RAD51C: variants seen among roughly 807,000 people sequenced by gnomAD.
RAD51C encodes RAD51 paralog C, also known as DNA repair protein RAD51 homolog 3.
A neutral mutation model predicts 45.0 loss-of-function variants in RAD51C; 42 were observed. The observed-to-expected ratio is 0.93, with a 90% CI of 0.73 to 1.21. RAD51C has a LOEUF of 1.21. Ranked by LOEUF, RAD51C falls within the 50% of genes most tolerant of loss-of-function variation. The pLI, the probability that RAD51C is intolerant of heterozygous loss-of-function variation, is 0.00. For missense variants in RAD51C, 474 were observed against 452.2 expected (o/e 1.05, Z -0.44); for synonymous variants, 172 against 159.8 (o/e 1.08, Z -0.58).
chr17:58,701,488 A>G (rs1041021846), intron 3 of RAD51C, among the ~76,000 whole-genome samples: 1 of 150,618 alleles, frequency 6.6e-6, no homozygotes, highest in African/African-American at 2.4e-5. Flanking sequence ...AGCCTGGAGG[A>G]CAGAGCAAGA....
At chr17:58,705,344 T>TG (rs141805941) in intron 4 of RAD51C, among the ~76,000 whole-genome samples, 4,450 of 134,052 alleles carry the variant, frequency 0.033, 81 homozygotes, top group South Asian at 0.052. Flanking sequence ...TTCTTTTTTT[T>TG]GGGGGGGGGG....
At chr17:58,719,055 T>C (rs897348877) in intron 5 of RAD51C, among the ~76,000 whole-genome samples, 4 of 152,126 alleles carry the variant, frequency 2.6e-5, no homozygotes, top group Non-Finnish European at 5.9e-5. Flanking sequence ...AAACCCCATC[T>C]TTACTAAAAA....
intron 5 of RAD51C, among the ~76,000 whole-genome samples, chr17:58,714,625 A>AT (rs1187089081): frequency 5.9e-5 from 9 of 151,662 alleles, no homozygotes; most frequent in Non-Finnish European, 1.3e-4. Flanking sequence ...TGCCCGGCTA[A>AT]TTTTTTATAT....
intron 3 of RAD51C, among the ~76,000 whole-genome samples, chr17:58,702,203 C>T (rs1183845965): frequency 6.6e-6 from 1 of 151,936 alleles, no homozygotes; most frequent in African/African-American, 2.4e-5. Flanking sequence ...CCATGTTGCC[C>T]AGGCTGCCGT....
At chr17:58,692,944 A>G (rs1408349571) in intron 1 of RAD51C, 156 bp downstream of exon 1, 1 of 1,092,220 alleles carries the variant, frequency 9.2e-7, no homozygotes, top group Non-Finnish European at 1.3e-6. Context: ...GACTCCACTT[A>G]CAAGTTGTCT....
chr17:58,695,385 G>C, intron 2 of RAD51C, 196 bp downstream of exon 2: 1 of 1,340,706 alleles, frequency 7.5e-7, no homozygotes, highest in Non-Finnish European at 9.6e-7. Flanking sequence ...CAATTATTCT[G>C]ATGTGAAAAA....
At chr17:58,732,625 G>T in intron 8 of RAD51C, 81 bp downstream of exon 8, 1 of 1,350,424 alleles carries the variant, frequency 7.4e-7, no homozygotes, top group Non-Finnish European at 1.1e-6. Context: ...ACTTGCTTCT[G>T]TCAACTTCTG....
At chr17:58,711,374 GTTA>G (rs2048550687) in intron 5 of RAD51C, among the ~76,000 whole-genome samples, 1 of 152,086 alleles carries the variant, frequency 6.6e-6, no homozygotes, top group African/African-American at 2.4e-5. Context: ...TATATTTAAT[GTTA>G]CCTCAGTTTA....
chr17:58,692,866 C>T, intron 1 of RAD51C, 78 bp downstream of exon 1: 1 of 1,603,752 alleles, frequency 6.2e-7, no homozygotes, highest in South Asian at 1.1e-5. Context: ...TCGCCTCGGC[C>T]TTCAGCCCAG....
chr17:58,710,600 A>T (rs1397446971), intron 5 of RAD51C, among the ~76,000 whole-genome samples: 1 of 151,350 alleles, frequency 6.6e-6, no homozygotes, highest in East Asian at 1.9e-4. Flanking sequence ...TTTCAGGTTA[A>T]CTCTTCCAAC....
intron 7 of RAD51C, among the ~76,000 whole-genome samples, chr17:58,730,443 C>T (rs1598529507): frequency 6.6e-6 from 1 of 151,814 alleles, no homozygotes; most frequent in Admixed American, 6.6e-5. Context: ...TCCCAAAGTG[C>T]TGGGATTACA....
intron 5 of RAD51C, among the ~76,000 whole-genome samples, chr17:58,716,485 TG>T (rs1435446224): frequency 6.6e-6 from 1 of 151,876 alleles, no homozygotes; most frequent in African/African-American, 2.4e-5. Context: ...TTTTTTGAGA[TG>T]GAGTCTCACT....
intron 7 of RAD51C, among the ~76,000 whole-genome samples, chr17:58,729,128 G>A (rs1567814875): frequency 6.6e-6 from 1 of 152,184 alleles, no homozygotes; most frequent in Non-Finnish European, 1.5e-5. Context: ...TGATTCTTTG[G>A]TTTAGTTTTC....
intron 5 of RAD51C, among the ~76,000 whole-genome samples, chr17:58,719,352 A>G (rs1237492076): frequency 6.6e-6 from 1 of 151,846 alleles, no homozygotes; most frequent in Non-Finnish European, 1.5e-5. Context: ...AGCTGGGACT[A>G]CAGTTGTGCA....
chr17:58,724,562 CTG>C (rs962247397), intron 7 of RAD51C, among the ~76,000 whole-genome samples: 5 of 151,196 alleles, frequency 3.3e-5, no homozygotes, highest in African/African-American at 1.2e-4. Flanking sequence ...GAAATTGTGT[CTG>C]TTTTTTTTTT....
At chr17:58,699,594 G>A (rs1365740577) in intron 3 of RAD51C, among the ~76,000 whole-genome samples, 1 of 152,054 alleles carries the variant, frequency 6.6e-6, no homozygotes, top group African/African-American at 2.4e-5. Context: ...CAATTGAAAA[G>A]AAACAGATAA....
chr17:58,710,297 T>G (rs1446407402), intron 5 of RAD51C, among the ~76,000 whole-genome samples: 4 of 127,280 alleles, frequency 3.1e-5, no homozygotes, highest in Non-Finnish European at 6.4e-5. Context: ...CTCGCCAACA[T>G]GGTGAAACCC....
At chr17:58,701,072 T>G (rs999254335) in intron 3 of RAD51C, among the ~76,000 whole-genome samples, 1 of 152,222 alleles carries the variant, frequency 6.6e-6, no homozygotes, top group Non-Finnish European at 1.5e-5. Flanking sequence ...TAATTTTTTT[T>G]GCATTTTTTG....
At chr17:58,710,077 C>T (rs2048505457) in intron 5 of RAD51C, 87 bp downstream of exon 5, 3 of 1,439,380 alleles carry the variant, frequency 2.1e-6, no homozygotes, top group South Asian at 2.3e-5. Context: ...ATAGCGTTTG[C>T]CTGACAAATA....
Sources: gnomAD v4.1 joint callset for allele counts (sites outside exome capture counted in the v4.1 genomes callset) on GRCh38, gnomAD v4.1.1 for gene constraint, MANE v1.5 for transcripts, NCBI Gene and HGNC (gene_info 2026-07-23, HGNC 2026-07-21) for gene names.